CEP63: variants seen among roughly 807,000 people sequenced by gnomAD.
CEP63 encodes the protein centrosomal protein of 63 kDa.
Under a neutral mutation model 89.1 loss-of-function variants are expected in CEP63, and 84 were observed. The observed-to-expected ratio is 0.94, with a 90% CI of 0.79 to 1.13. The LOEUF is 1.13. Ranked by LOEUF, CEP63 falls within the 50% of genes most tolerant of loss-of-function variation. CEP63 has a pLI of 0.00. For missense variants in CEP63, 838 were observed against 813.3 expected, an observed-to-expected ratio of 1.03 and a Z score of -0.37; for synonymous variants, 267 against 272.5, an observed-to-expected ratio of 0.98 and a Z score of 0.20.
At chr3:134,557,028 G>A (rs1005941905) in intron 12 of CEP63, among the ~76,000 whole-genome samples, 2 of 152,088 alleles carry the variant, frequency 1.3e-5, no homozygotes, top group East Asian at 1.9e-4. Flanking sequence ...ATTAGAAAAT[G>A]CCCTTTTGTA....
the CEP63 span, among the ~76,000 whole-genome samples, chr3:134,765,849 G>A: frequency 4.6e-5 from 7 of 152,302 alleles, no homozygotes; most frequent in Admixed American, 2.0e-4. Context: ...GGCCCAATCC[G>A]TGTTTTAAGA....
At chr3:134,744,147 T>C in the CEP63 span, among the ~76,000 whole-genome samples, 1 of 152,188 alleles carries the variant, frequency 6.6e-6, no homozygotes, top group Non-Finnish European at 1.5e-5. Flanking sequence ...TGGTTTTATG[T>C]AGCCTGGTTG....
At chr3:134,726,453 CAG>C in the CEP63 span, among the ~76,000 whole-genome samples, 11 of 29,550 alleles carry the variant, frequency 3.7e-4, no homozygotes, top group African/African-American at 9.3e-4. Context: ...CACAGGCACA[CAG>C]ACAGACACAC....
chr3:134,726,187 G>A, the CEP63 span, among the ~76,000 whole-genome samples: 16 of 152,050 alleles, frequency 1.1e-4, no homozygotes, highest in South Asian at 4.2e-4. Context: ...GTTCCATGGC[G>A]AGAGAATCTG....
intron 2 of CEP63, among the ~76,000 whole-genome samples, chr3:134,498,713 A>G (rs138429451): frequency 7.6e-4 from 115 of 152,172 alleles, no homozygotes; most frequent in Middle Eastern, 6.8e-3. Flanking sequence ...GGCCTTTATT[A>G]TGTTGAGGTA....
At chr3:134,651,288 G>T in the CEP63 span, 6 of 1,186,754 alleles carry the variant, frequency 5.1e-6, no homozygotes, top group Non-Finnish European at 5.3e-6. Flanking sequence ...CCTGCCTCCC[G>T]CCCGGTGCAC....
intron 3 of CEP63, among the ~76,000 whole-genome samples, chr3:134,513,374 G>A (rs949791968): frequency 5.3e-5 from 8 of 152,268 alleles, no homozygotes; most frequent in Non-Finnish European, 1.2e-4. Context: ...CCCTCAGGAC[G>A]TTTACAGTTA....
chr3:134,719,845 G>A, the CEP63 span, among the ~76,000 whole-genome samples: 13 of 152,110 alleles, frequency 8.5e-5, no homozygotes, highest in Non-Finnish European at 1.9e-4. Flanking sequence ...TTGCATAGAT[G>A]TATCACATTT....
the CEP63 span, among the ~76,000 whole-genome samples, chr3:134,735,168 G>A: frequency 6.6e-6 from 1 of 152,204 alleles, no homozygotes; most frequent in South Asian, 2.1e-4. Context: ...GTCGTCACAT[G>A]AATCCACAAA....
At chr3:134,760,027 G>A in the CEP63 span, among the ~76,000 whole-genome samples, 1 of 150,538 alleles carries the variant, frequency 6.6e-6, no homozygotes, top group East Asian at 1.9e-4. Context: ...GGAAATATTC[G>A]TCTGTGTCAT....
chr3:134,655,959 T>C, the CEP63 span, among the ~76,000 whole-genome samples: 1 of 152,150 alleles, frequency 6.6e-6, no homozygotes, highest in Admixed American at 6.5e-5. Flanking sequence ...TCAGGAGCAG[T>C]AGCCCTGCCA....
At chr3:134,533,916 T>G (rs1950290431) in intron 5 of CEP63, among the ~76,000 whole-genome samples, 2 of 152,194 alleles carry the variant, frequency 1.3e-5, no homozygotes, top group Admixed American at 1.3e-4. Context: ...TTTGAAGAGC[T>G]TAGAATCAGA....
chr3:134,560,962 G>A (rs1317580998), intron 14 of CEP63, among the ~76,000 whole-genome samples: 1 of 152,120 alleles, frequency 6.6e-6, no homozygotes, highest in Non-Finnish European at 1.5e-5. Flanking sequence ...CTGAAAATTT[G>A]GAGGAGAAAA....
the CEP63 span, among the ~76,000 whole-genome samples, chr3:134,678,677 C>T: frequency 6.6e-6 from 1 of 152,156 alleles, no homozygotes; most frequent in Non-Finnish European, 1.5e-5. Context: ...GATGAGGATA[C>T]CAAGGCACAA....
At chr3:134,733,828 C>T in the CEP63 span, among the ~76,000 whole-genome samples, 1 of 152,196 alleles carries the variant, frequency 6.6e-6, no homozygotes, top group Admixed American at 6.5e-5. Context: ...TGCTTGAGGC[C>T]ACCCAGATTG....
the CEP63 span, among the ~76,000 whole-genome samples, chr3:134,605,801 C>T: frequency 6.6e-6 from 1 of 152,284 alleles, no homozygotes; most frequent in Non-Finnish European, 1.5e-5. Context: ...CTGCTGGCCT[C>T]CACGCCTTCC....
chr3:134,597,175 C>A, the CEP63 span, among the ~76,000 whole-genome samples: 2 of 152,092 alleles, frequency 1.3e-5, no homozygotes, highest in Non-Finnish European at 2.9e-5. Context: ...AAGAGTGCAG[C>A]ATGGAGCGAT....
intron 1 of CEP63, among the ~76,000 whole-genome samples, chr3:134,492,572 C>CTT (rs77074365): frequency 7.2e-5 from 10 of 139,222 alleles, no homozygotes; most frequent in South Asian, 4.6e-4. Flanking sequence ...CACTTCCCTC[C>CTT]TTTTTTTTTT....
At chr3:134,701,704 A>G in the CEP63 span, among the ~76,000 whole-genome samples, 10 of 151,982 alleles carry the variant, frequency 6.6e-5, no homozygotes, top group Admixed American at 4.6e-4. Flanking sequence ...CCTATTCAAC[A>G]TAGTATTGGA....
Sources: allele counts gnomAD v4.1 joint callset (sites outside exome capture counted in the v4.1 genomes callset), GRCh38; gene constraint gnomAD v4.1.1; transcripts MANE v1.5; gene names NCBI Gene and HGNC (gene_info 2026-07-23, HGNC 2026-07-21).